Variants in POLR2D observed in about 807,000 individuals in gnomAD.
POLR2D encodes the protein DNA-directed RNA polymerase II subunit RPB4.
A neutral mutation model predicts 17.6 loss-of-function variants in POLR2D; 10 were observed. The observed-to-expected ratio is 0.57, with a 90% CI of 0.35 to 0.96. The LOEUF (loss-of-function observed/expected upper bound fraction) is 0.96, where lower values mean the gene tolerates loss of function less well. Among genes scored for constraint, POLR2D ranks in the 40% least tolerant of loss-of-function variants. POLR2D has a pLI of 0.02. For missense variants in POLR2D, 126 were observed against 176.4 expected (o/e 0.71, Z 1.62); for synonymous variants, 52 against 60.2 (o/e 0.86, Z 0.63).
At position 127,850,440 on chromosome 2, in the gene POLR2D, C is replaced by CAAAAA. The variant is rs60975701; in HGVS notation, c.350+145_350+149dup. On this transcript the variant is annotated intron_variant, in intron 3 of 3. Coordinates refer to ENST00000272645, the MANE Select transcript of POLR2D (RefSeq NM_004805.4). ...GGGCAACAAGAGCGAAACTCCGTCT[C>CAAAAA]AAAAAAAAAAAAAAAAAAAAAAAAG... is the stretch of plus-strand genomic sequence containing the variant. 813 of 108,426 alleles carry CAAAAA rather than the reference C, an allele frequency of 7.5e-3. 38 individuals are homozygous for CAAAAA. Among genetic ancestry groups the CAAAAA allele is most frequent in the African/African-American group, 0.03 (407 of 13,370 alleles). The allele number at this position is 108,426 out of a possible 1,614,324, so 6.7% of individuals were successfully genotyped here.
At chr2:127,849,648 A>AT (rs139341086) in intron 3 of POLR2D, among the ~76,000 whole-genome samples, 35,377 of 150,304 alleles carry the variant, frequency 0.24, 4,370 homozygotes, top group Middle Eastern at 0.34. Context: ...TAGTTCATTG[A>AT]TTTTTTTTTT....
intron 1 of POLR2D, among the ~76,000 whole-genome samples, chr2:127,856,481 T>C (rs1690332860): frequency 6.7e-6 from 1 of 150,338 alleles, no homozygotes; most frequent in Admixed American, 6.6e-5. Flanking sequence ...TCCCAGCTAC[T>C]TGGGAGGCTG....
chr2:127,847,633 T>C lies in POLR2D; in HGVS notation c.*474A>G, dbSNP rs1173555097. ...CAAGAGTTAAGACCCTATCTCCATTTAAAAAAAAAAAAAAAAAGCATTTCA... is the reference window on the plus strand; with the variant it reads ...CAAGAGTTAAGACCCTATCTCCATTCAAAAAAAAAAAAAAAAAGCATTTCA... On this transcript the variant is annotated 3_prime_UTR_variant, in exon 4 of 4. Coordinates refer to ENST00000272645, the MANE Select transcript of POLR2D (RefSeq NM_004805.4). 6.9e-6 allele frequency: 1 copy of C among 145,294 alleles called. No homozygotes were observed. The highest frequency in any genetic ancestry group is 2.1e-4 in the East Asian group (1 of 4,840). The allele number at this position is 145,294 out of a possible 1,614,324, so 9.0% of individuals were successfully genotyped here.
intron 3 of POLR2D, among the ~76,000 whole-genome samples, chr2:127,849,056 T>C (rs1206044802): frequency 1.3e-5 from 2 of 151,504 alleles, no homozygotes; most frequent in Non-Finnish European, 2.9e-5. Context: ...TGGCCAGAGT[T>C]TTTTTTTGGG....
chr2:127,853,554 C>T (rs1406048834), intron 1 of POLR2D, among the ~76,000 whole-genome samples: 6 of 150,618 alleles, frequency 4.0e-5, no homozygotes, highest in African/African-American at 1.2e-4. Flanking sequence ...TGATTTCGTT[C>T]TTTTATTTTT....
intron 2 of POLR2D, among the ~76,000 whole-genome samples, chr2:127,851,363 G>C (rs902734529): frequency 6.6e-6 from 1 of 152,182 alleles, no homozygotes; most frequent in Non-Finnish European, 1.5e-5. Flanking sequence ...AGGTTGCAGT[G>C]AGCCAAGACC....
rs1415137360 is a variant in POLR2D, at chr2:127,852,374, C to G, written c.254+551G>C. Among the ~76,000 whole-genome samples, 1 of 152,154 alleles carries G rather than the reference C, an allele frequency of 6.6e-6. No individual in the cohort carries two copies. The highest frequency in any genetic ancestry group is 1.5e-5 in the Non-Finnish European group (1 of 68,018). Reference sequence around the variant, plus strand: ...CCTCCCACTTCAGCCTCCCAAGTAACTAGGACCACAGGTACCTGCCACCAC... The same window carrying G: ...CCTCCCACTTCAGCCTCCCAAGTAAGTAGGACCACAGGTACCTGCCACCAC... On this transcript the variant is annotated intron_variant, in intron 2 of 3. Transcript: ENST00000272645. The surrounding 1 kb of genome is among the most constrained non-coding windows in gnomAD (Gnocchi z 4.0).
Position 127,858,100 on chromosome 2 carries a change from T to TCGCCGCGCCG in POLR2D, c.-10_-1dup, listed in dbSNP as rs759344343. On this transcript the variant is annotated 5_prime_UTR_variant, in exon 1 of 4. Coordinates refer to ENST00000272645, the MANE Select transcript of POLR2D (RefSeq NM_004805.4). ...CGCGGATCGCTGCCACCCGCCGCCATCGCCGCGCCGCGCCGCGCGCCACCA... is the reference window on the plus strand; with the variant it reads ...CGCGGATCGCTGCCACCCGCCGCCATCGCCGCGCCGCGCCGCGCCGCGCCGCGCGCCACCA... 3,847 of 1,498,346 alleles carry TCGCCGCGCCG rather than the reference T, an allele frequency of 2.6e-3. 108 individuals carry two copies. In the African/African-American group the frequency reaches 0.052, roughly 20 times the overall value. The allele number at this position is 1,498,346 out of a possible 1,614,324, so 92.8% of individuals were successfully genotyped here.
At chr2:127,849,630 T>C (rs1038456900) in intron 3 of POLR2D, among the ~76,000 whole-genome samples, 1 of 150,672 alleles carries the variant, frequency 6.6e-6, no homozygotes, top group African/African-American at 2.5e-5. Context: ...TGATATTCCA[T>C]GTGGTTCTAG....
At chr2:127,857,775 G>C in intron 1 of POLR2D, 1 of 1,284,192 alleles carries the variant, frequency 7.8e-7, no homozygotes, top group Non-Finnish European at 9.8e-7. Flanking sequence ...CCACCTGAGT[G>C]TCCGGCTTTG....
chr2:127,850,591 T>C lies in POLR2D; in HGVS notation c.349A>G (p.Ser117Gly), dbSNP rs141939117. The C allele has an allele frequency of 2.3e-5, 33 of 1,454,564 alleles. No individual in the cohort carries two copies. Among genetic ancestry groups the C allele is most frequent in the Admixed American group, 7.8e-5 (4 of 51,356 alleles). The allele number at this position is 1,454,564 out of a possible 1,614,324, so 90.1% of individuals were successfully genotyped here. A position where few individuals can be genotyped will look rare whatever the true frequency, so the allele number is the denominator to read the frequency against. Residue 117 changes from serine to glycine, a missense_variant and splice_region_variant, in exon 3 of 4, where the codon AGC (serine) becomes GGC (glycine). Physicochemically the swap from Ser to Gly is moderately conservative, Grantham distance 56. This residue lies in a region of POLR2D where 85 missense variants were observed against 151.4 expected (regional missense o/e 0.56). Coordinates refer to ENST00000272645, the MANE Select transcript of POLR2D (RefSeq NM_004805.4). ...TAEESKALIP[S>G]LEGRFEDEEL... ...GAACTTATCACAACTGGTACTAACC[T>C]TGGGATTAGAGCCTTGGACTCCTCA...
chr2:127,846,285 T>G lies in POLR2D; in HGVS notation c.*1822A>C, dbSNP rs559109227. ...AATAAATAAAAATAAGAATTTTTTA[T>G]TCTTGCCTTATTTCGTAGCAAACAT... On this transcript the variant is annotated 3_prime_UTR_variant, in exon 4 of 4. Transcript: ENST00000272645. 1.3e-5 allele frequency: 2 copies of G among 151,552 alleles called. No individual in the cohort carries two copies. Among genetic ancestry groups the G allele is most frequent in the African/African-American group, 4.9e-5 (2 of 40,924 alleles). 9.4% of individuals were successfully genotyped at this position (151,552 alleles called of 1,614,324 possible). A position where few individuals can be genotyped will look rare whatever the true frequency, so the allele number is the denominator to read the frequency against.
rs551040873 is a variant in POLR2D at position 127,852,323 on chromosome 2, G to C, written c.254+602C>G. 5.7e-4 allele frequency among the ~76,000 whole-genome samples: 86 copies of C among 152,200 alleles called. 2 individuals carry two copies. Among genetic ancestry groups the C allele is most frequent in the African/African-American group, 2.0e-3 (83 of 41,530 alleles). ...AGTGGCACAATCACAGCTCACTAAA[G>C]CCTCAACCTCCCAGGCTCACATGAT... On this transcript the variant is annotated intron_variant, in intron 2 of 3. Transcript: ENST00000272645. This position sits in a 1 kb window ranked among gnomAD's most constrained non-coding sequence, Gnocchi z 4.0.
Position 127,858,092 on chromosome 2 carries a change from C to T in POLR2D, c.9G>A (p.Ala3=), listed in dbSNP as rs776417599. Residue 3 remains alanine, a synonymous_variant, in exon 1 of 4, where the codon GCG becomes GCA. Transcript: ENST00000272645. MA[A]GGSDPRAGDV... Reference sequence around the variant, plus strand: ...CGCCAGCCCGCGGATCGCTGCCACCCGCCGCCATCGCCGCGCCGCGCCGCG... The same window carrying T: ...CGCCAGCCCGCGGATCGCTGCCACCTGCCGCCATCGCCGCGCCGCGCCGCG... 2.0e-6 allele frequency: 3 copies of T among 1,504,040 alleles called. No individual in the cohort carries two copies. Among genetic ancestry groups the T allele is most frequent in the African/African-American group, 2.9e-5 (2 of 68,374 alleles). The allele number at this position is 1,504,040 out of a possible 1,614,324, so 93.2% of individuals were successfully genotyped here.
At position 127,846,116 on chromosome 2, in the gene POLR2D, G is replaced by A. The variant is rs1469422127; in HGVS notation, c.*1991C>T. ...AAAACACAAAAAATTAGCCAGGCGT[G>A]GTGGCAGGTACCTGTAATCCCAGCT... On this transcript the variant is annotated 3_prime_UTR_variant, in exon 4 of 4. Coordinates refer to ENST00000272645, the MANE Select transcript of POLR2D (RefSeq NM_004805.4). 1 of 152,124 alleles carries A rather than the reference G, an allele frequency of 6.6e-6. No homozygotes were observed. Among genetic ancestry groups the A allele is most frequent in the African/African-American group, 2.4e-5 (1 of 41,392 alleles). The allele number at this position is 152,124 out of a possible 1,614,324, so 9.4% of individuals were successfully genotyped here.
rs566609386 is a variant in POLR2D at position 127,850,289 on chromosome 2, A to T, written c.350+301T>A. Among the ~76,000 whole-genome samples the T allele has an allele frequency of 7.0e-4, 106 of 151,846 alleles. 1 individual carries two copies. The South Asian group carries it at 0.015, about 21-fold the overall frequency. On this transcript the variant is annotated intron_variant, in intron 3 of 3. Coordinates refer to ENST00000272645, the MANE Select transcript of POLR2D (RefSeq NM_004805.4). ...TACCCCATCTCTACTAAAAACACAA[A>T]ATTAGCCAAGTGTGGTGGTGCGTGC...
chr2:127,856,881 CAA>C (rs753157722), intron 1 of POLR2D: 1 of 152,006 alleles, frequency 6.6e-6, no homozygotes, highest in Non-Finnish European at 1.5e-5. Context: ...ACTGAAAATA[CAA>C]AAATTAGCCG....
At position 127,846,796 on chromosome 2, in the gene POLR2D, G is replaced by T; in HGVS notation, c.*1311C>A. ...GGTCTACGTTGGGGTGGAGGTGTTC[G>T]GTCCTTGCCTGCTTCATGAGCTCAA... On this transcript the variant is annotated 3_prime_UTR_variant, in exon 4 of 4. Transcript: ENST00000272645. The T allele has an allele frequency of 6.3e-6, 1 of 157,636 alleles. No individual in the cohort carries two copies. The highest frequency in any genetic ancestry group is 1.9e-4 in the South Asian group (1 of 5,326). 9.8% of individuals were successfully genotyped at this position (157,636 alleles called of 1,614,324 possible).
At position 127,853,064 on chromosome 2, in the gene POLR2D, T is replaced by A. The variant is rs1317041030; in HGVS notation, c.115A>T (p.Met39Leu). 8 of 1,613,692 alleles carry A rather than the reference T, an allele frequency of 5.0e-6. No individual in the cohort carries two copies. Among genetic ancestry groups the A allele is most frequent in the Middle Eastern group, 1.6e-4 (1 of 6,082 alleles). Reference sequence around the variant, plus strand: ...TGCTGCTTTCGATGTTCCAGAAGCATATGAACTTCTGAATTTAGAAGTGTC... The same window carrying A: ...TGCTGCTTTCGATGTTCCAGAAGCAAATGAACTTCTGAATTTAGAAGTGTC... ...AETLLNSEVHMLLEHRKQQNE... is the reference protein window; with the variant it reads ...AETLLNSEVHLLLEHRKQQNE... Residue 39 changes from methionine (M) to leucine (L), a missense_variant, in exon 2 of 4, where the codon ATG (methionine) becomes TTG (leucine). Met to Leu is a conservative substitution (Grantham distance 15, BLOSUM62 2). This residue lies in a region of POLR2D where 85 missense variants were observed against 151.4 expected (regional missense o/e 0.56). Coordinates refer to ENST00000272645, the MANE Select transcript of POLR2D (RefSeq NM_004805.4).
Sources: gnomAD v4.1 joint callset for allele counts (sites outside exome capture counted in the v4.1 genomes callset) on GRCh38, gnomAD v4.1.1 for gene constraint, gnomAD v4.1.1 regional missense constraint, Gnocchi (gnomAD v3.1) non-coding constraint, MANE v1.5 for transcripts, NCBI Gene and HGNC (gene_info 2026-07-23, HGNC 2026-07-21) for gene names.